Variants in PCDHA7 observed in about 807,000 individuals in gnomAD.
PCDHA7 encodes protocadherin alpha 7.
A neutral mutation model predicts 57.2 loss-of-function variants in PCDHA7; 37 were observed. The observed-to-expected ratio is 0.65, with a 90% confidence interval of 0.50 to 0.85. The LOEUF is 0.85. PCDHA7 is among the 40% of genes least tolerant of loss of function. PCDHA7 has a pLI of 0.00. For missense variants in PCDHA7, 1,188 were observed against 1,241.8 expected, an observed-to-expected ratio of 0.96 and a Z score of 0.65; for synonymous variants, 553 against 558.8, an observed-to-expected ratio of 0.99 and a Z score of 0.15.
At position 140,876,514 on chromosome 5, in the gene PCDHA7, C is replaced by T. The variant is rs782076196; in HGVS notation, c.2355+39776C>T. ...AGTTCTGGACGTGAATGACAATGTC[C>T]CTGAAGTAATGGTTACTTCACTGTC... On this transcript the variant is annotated intron_variant, in intron 1 of 3. Coordinates refer to ENST00000525929, the MANE Select transcript of PCDHA7 (RefSeq NM_018910.3). 2.5e-6 allele frequency: 4 copies of T among 1,614,026 alleles called. No homozygotes were observed. In the Admixed American group the frequency reaches 6.7e-5, roughly 27 times the overall value.
At chr5:140,897,451 TC>T (rs2066120094) in intron 1 of PCDHA7, among the ~76,000 whole-genome samples, 1 of 151,584 alleles carries the variant, frequency 6.6e-6, no homozygotes, top group Non-Finnish European at 1.5e-5. Context: ...TGGTTTTTTG[TC>T]CTTGCGATAG....
intron 3 of PCDHA7, among the ~76,000 whole-genome samples, chr5:140,985,608 G>T (rs76669319): frequency 6.6e-6 from 1 of 152,052 alleles, no homozygotes; most frequent in Non-Finnish European, 1.5e-5. Context: ...AGCCCTTTCC[G>T]TGAACCAGCT....
chr5:140,862,327 A>G (rs1317111352), intron 1 of PCDHA7: 1 of 326,932 alleles, frequency 3.1e-6, no homozygotes, highest in Non-Finnish European at 6.0e-6. Context: ...TAATCAGTGT[A>G]ATTGACCCTA....
At chr5:140,900,178 T>G (rs972449455) in intron 1 of PCDHA7, among the ~76,000 whole-genome samples, 1 of 152,238 alleles carries the variant, frequency 6.6e-6, no homozygotes, top group East Asian at 1.9e-4. Flanking sequence ...GCCTGGTTTA[T>G]GTCACTTATA....
At chr5:141,003,423 T>G (rs1278383006) in intron 3 of PCDHA7, among the ~76,000 whole-genome samples, 1 of 152,164 alleles carries the variant, frequency 6.6e-6, no homozygotes, top group Non-Finnish European at 1.5e-5. Context: ...GTGATTCTTA[T>G]GCCTCAGCCT....
At chr5:140,984,905 C>G (rs1214020745) in intron 3 of PCDHA7, among the ~76,000 whole-genome samples, 1 of 152,004 alleles carries the variant, frequency 6.6e-6, no homozygotes, top group African/African-American at 2.4e-5. Context: ...AAAAAAAGAA[C>G]TGAGCATAGT....
intron 1 of PCDHA7, chr5:140,930,569 A>G (rs1448447791): frequency 6.6e-6 from 1 of 152,542 alleles, no homozygotes; most frequent in Non-Finnish European, 1.5e-5. Flanking sequence ...AAGCAATTCT[A>G]CGGTATTACT....
intron 1 of PCDHA7, among the ~76,000 whole-genome samples, chr5:140,885,868 A>G (rs1347875524): frequency 6.6e-6 from 1 of 152,202 alleles, no homozygotes; most frequent in Admixed American, 6.5e-5. Context: ...TCTATTGAAA[A>G]AAAATTTTTA....
In PCDHA7 at chr5:140,850,072, A is replaced by C. The variant is rs2150465925; in HGVS notation, c.2355+13334A>C. 113 of 1,596,472 alleles carry C rather than the reference A, an allele frequency of 7.1e-5. 13 individuals are homozygous for C. The Admixed American group carries it at 1.8e-3, about 25-fold the overall frequency. On this transcript the variant is annotated intron_variant, in intron 1 of 3. Coordinates refer to ENST00000525929, the MANE Select transcript of PCDHA7 (RefSeq NM_018910.3). The stretch of plus-strand genomic sequence containing the variant: ...TACGCGCTGCAGCCGTTGGACCACG[A>C]GGAGCTGGAGCTGCTACAGTTCCAG...
intron 1 of PCDHA7, among the ~76,000 whole-genome samples, chr5:140,934,289 T>C (rs1584800076): frequency 6.6e-6 from 1 of 152,138 alleles, no homozygotes; most frequent in East Asian, 1.9e-4. Flanking sequence ...AGGGCATTCT[T>C]ACTGGTATTT....
chr5:140,950,040 C>T (rs1053592525), intron 1 of PCDHA7, among the ~76,000 whole-genome samples: 4 of 151,718 alleles, frequency 2.6e-5, no homozygotes, highest in Non-Finnish European at 5.9e-5. Flanking sequence ...AAGTTACAAC[C>T]ATATAAGACT....
chr5:140,840,170 C>T (rs1278225135), intron 1 of PCDHA7, among the ~76,000 whole-genome samples: 3 of 151,784 alleles, frequency 2.0e-5, no homozygotes, highest in African/African-American at 7.3e-5. Context: ...GGGATGTATA[C>T]AAATTTTAAA....
chr5:140,927,042 G>T (rs548394870), intron 1 of PCDHA7: 7 of 1,612,270 alleles, frequency 4.3e-6, no homozygotes, highest in Non-Finnish European at 4.2e-6. Context: ...CGGCCGCTAT[G>T]TCCTCGCGGA....
intron 1 of PCDHA7, chr5:140,849,989 G>A: frequency 2.5e-6 from 4 of 1,597,330 alleles, no homozygotes; most frequent in Non-Finnish European, 3.4e-6. Flanking sequence ...TGGAGCGGCG[G>A]TTGGGCGAGC....
intron 1 of PCDHA7, chr5:140,967,921 C>T (rs781932025): frequency 6.2e-6 from 10 of 1,614,172 alleles, no homozygotes; most frequent in South Asian, 4.4e-5. Flanking sequence ...CCATTGTGGC[C>T]GTTCTCAGTG....
intron 1 of PCDHA7, among the ~76,000 whole-genome samples, chr5:140,945,892 G>T (rs1351699782): frequency 1.3e-5 from 2 of 152,018 alleles, no homozygotes; most frequent in African/African-American, 4.8e-5. Context: ...AGAAAACACA[G>T]TGGGAAAGAT....
chr5:140,894,484 T>C (rs2064498102), intron 1 of PCDHA7, among the ~76,000 whole-genome samples: 1 of 152,002 alleles, frequency 6.6e-6, no homozygotes, highest in Admixed American at 6.5e-5. Flanking sequence ...TTTCATCTTA[T>C]AGTTTTCTTT....
Position 140,846,221 on chromosome 5 carries a change from A to C in PCDHA7, c.2355+9483A>C, listed in dbSNP as rs944343213. Among the ~76,000 whole-genome samples, 2 of 149,362 alleles carry C rather than the reference A, an allele frequency of 1.3e-5. 1 individual carries two copies. The highest frequency in any genetic ancestry group is 3.0e-5 in the Non-Finnish European group (2 of 66,804). On this transcript the variant is annotated intron_variant, in intron 1 of 3. Coordinates refer to ENST00000525929, the MANE Select transcript of PCDHA7 (RefSeq NM_018910.3). ...TGTATGAGATCTTTCCATTAATAGT[A>C]TTTTTCTTAAAAAGAAGTATACAAT... is the stretch of plus-strand genomic sequence containing the variant.
At chr5:141,007,395 CAA>C (rs35800918) in intron 3 of PCDHA7, among the ~76,000 whole-genome samples, 1,140 of 94,858 alleles carry the variant, frequency 0.012, 9 homozygotes, top group South Asian at 0.036. Context: ...TACTAAAATA[CAA>C]AAAAAAAAAA....
Sources: allele counts gnomAD v4.1 joint callset (sites outside exome capture counted in the v4.1 genomes callset), GRCh38; gene constraint gnomAD v4.1.1; transcripts MANE v1.5; gene names NCBI Gene and HGNC (gene_info 2026-07-23, HGNC 2026-07-21).